The following CHIC1 variants were observed in gnomAD, a reference collection of about 807,000 sequenced individuals.
The protein encoded by CHIC1 is cysteine-rich hydrophobic domain-containing protein 1.
A neutral mutation model predicts 18.5 loss-of-function variants in CHIC1; 7 were observed. That is an observed-to-expected ratio of 0.38 (90% CI 0.22 to 0.71). The LOEUF (loss-of-function observed/expected upper bound fraction) is 0.71. Ranked by LOEUF, CHIC1 falls within the 30% of genes least tolerant of loss-of-function variation. The pLI, the probability that CHIC1 is intolerant of heterozygous loss-of-function variation, is 0.49. For synonymous variants in CHIC1, 77 were observed against 73.5 expected, an observed-to-expected ratio of 1.05 and a Z score of -0.25; for missense variants, 159 against 176.9, an observed-to-expected ratio of 0.90 and a Z score of 0.57.
In CHIC1 at chrX:73,684,328, GCC is replaced by G. The variant is rs2058112380; in HGVS notation, c.*3324_*3325del. 2 of 111,101 alleles carry G rather than the reference GCC, an allele frequency of 1.8e-5. No homozygotes were observed. The highest frequency in any genetic ancestry group is 1.9e-4 in the Admixed American group (2 of 10,390). The allele number at this position is 111,101 out of a possible 1,213,427, so 9.2% of individuals were successfully genotyped here. A position where few individuals can be genotyped will look rare whatever the true frequency, so the allele number is the denominator to read the frequency against. On this transcript the variant is annotated 3_prime_UTR_variant, in exon 6 of 6. Transcript: ENST00000373502. ...TGTACATACTATTCATATTATTATG[GCC>G]TGTAAACACTAATATCTGAGCAATC...
intron 3 of CHIC1, among the ~76,000 whole-genome samples, chrX:73,599,202 G>GT (rs2057628610): frequency 9.1e-6 from 1 of 110,197 alleles, no homozygotes; most frequent in Non-Finnish European, 1.9e-5. Flanking sequence ...TTGTAAATCT[G>GT]TTTGAGTTCA....
intron 3 of CHIC1, among the ~76,000 whole-genome samples, chrX:73,652,612 A>G (rs1024500602): frequency 4.4e-5 from 5 of 112,749 alleles, no homozygotes; most frequent in African/African-American, 6.4e-5. Flanking sequence ...TATGTGGCCA[A>G]CAAACATATG....
At position 73,682,498 on chromosome X, in the gene CHIC1, A is replaced by T. The variant is rs1335225283; in HGVS notation, c.*1493A>T. On this transcript the variant is annotated 3_prime_UTR_variant, in exon 6 of 6. Transcript: ENST00000373502. ...GCTTTTAGTAAACCTTTTAGGCAAG[A>T]TTCATCTCAGTGAAGTGAACAATCA... 8.9e-6 allele frequency: 1 copy of T among 111,824 alleles called. No individual in the cohort carries two copies. The highest frequency in any genetic ancestry group is 1.9e-5 in the Non-Finnish European group (1 of 52,830). The allele number at this position is 111,824 out of a possible 1,213,427, so 9.2% of individuals were successfully genotyped here. A position where few individuals can be genotyped will look rare whatever the true frequency, so the allele number is the denominator to read the frequency against.
intron 3 of CHIC1, among the ~76,000 whole-genome samples, chrX:73,611,633 C>T (rs2057709171): frequency 9.3e-6 from 1 of 107,965 alleles, no homozygotes; most frequent in Non-Finnish European, 1.9e-5. Context: ...TACAGTCCCA[C>T]CAACAATGTA....
At chrX:73,643,342 T>G (rs999423165) in intron 3 of CHIC1, among the ~76,000 whole-genome samples, 2 of 108,389 alleles carry the variant, frequency 1.8e-5, no homozygotes, top group Non-Finnish European at 3.8e-5. Context: ...GACAATTACG[T>G]GTCTTGGAGT....
chrX:73,669,845 T>C (rs2058021479), intron 3 of CHIC1, among the ~76,000 whole-genome samples: 1 of 111,757 alleles, frequency 8.9e-6, no homozygotes, highest in Non-Finnish European at 1.9e-5. Context: ...GAGGTGGAAA[T>C]GGGGCCTGCA....
chrX:73,650,393 G>A (rs1394991323), intron 3 of CHIC1, among the ~76,000 whole-genome samples: 1 of 110,706 alleles, frequency 9.0e-6, no homozygotes, highest in Admixed American at 9.7e-5. Flanking sequence ...AATGAATCTA[G>A]GAACTGGTTT....
At position 73,687,074 on chromosome X, in the gene CHIC1, A is replaced by T. The variant is rs1471923897; in HGVS notation, c.*6069A>T. 8.9e-6 allele frequency: 1 copy of T among 111,766 alleles called. No homozygotes were observed. Among genetic ancestry groups the T allele is most frequent in the Non-Finnish European group, 1.9e-5 (1 of 53,018 alleles). The allele number at this position is 111,766 out of a possible 1,213,427, so 9.2% of individuals were successfully genotyped here. A position where few individuals can be genotyped will look rare whatever the true frequency, so the allele number is the denominator to read the frequency against. ...AAAATTTTATTATCTCAGGATGCAA[A>T]TTTAAAATAAAGTGTAAATCTATGT... On this transcript the variant is annotated 3_prime_UTR_variant, in exon 6 of 6. Transcript: ENST00000373502.
intron 3 of CHIC1, among the ~76,000 whole-genome samples, chrX:73,619,643 A>G (rs2057750262): frequency 1.8e-5 from 2 of 111,887 alleles, no homozygotes; most frequent in South Asian, 7.5e-4. Context: ...ACAATTATAT[A>G]AAAACAAGCA....
intron 3 of CHIC1, among the ~76,000 whole-genome samples, chrX:73,586,123 G>A (rs1177779840): frequency 1.8e-5 from 2 of 111,415 alleles, no homozygotes; most frequent in African/African-American, 6.5e-5. Flanking sequence ...ATGATATCCA[G>A]CCTCTTGTAA....
chrX:73,645,215 T>A (rs1187778041), intron 3 of CHIC1, among the ~76,000 whole-genome samples: 1 of 112,485 alleles, frequency 8.9e-6, no homozygotes, highest in African/African-American at 3.2e-5. Flanking sequence ...TCTTTCAGGC[T>A]ATCTATGTTG....
rs1388833221 is a variant in CHIC1 at position 73,682,452 on chromosome X, T to C, written c.*1447T>C. ...TAAAAGTGTCTAGGGCTCAGTAATA[T>C]TTTGTCATCTTACTCTTACTGCTTT... On this transcript the variant is annotated 3_prime_UTR_variant, in exon 6 of 6. Coordinates refer to ENST00000373502, the MANE Select transcript of CHIC1 (RefSeq NM_001039840.4). 4 of 111,467 alleles carry C rather than the reference T, an allele frequency of 3.6e-5. No homozygotes were observed. The highest frequency in any genetic ancestry group is 1.3e-4 in the African/African-American group (4 of 30,835). 9.2% of individuals were successfully genotyped at this position (111,467 alleles called of 1,213,427 possible). A position where few individuals can be genotyped will look rare whatever the true frequency, so the allele number is the denominator to read the frequency against.
chrX:73,640,346 ATAT>A (rs1476026189), intron 3 of CHIC1, among the ~76,000 whole-genome samples: 1 of 111,983 alleles, frequency 8.9e-6, no homozygotes, highest in Admixed American at 9.5e-5. Flanking sequence ...TTATTTTCAT[ATAT>A]TGAACCAAGC....
intron 3 of CHIC1, among the ~76,000 whole-genome samples, chrX:73,591,942 C>T (rs1285505496): frequency 1.8e-5 from 2 of 111,514 alleles, no homozygotes; most frequent in East Asian, 5.6e-4. Flanking sequence ...TAGTATCAGT[C>T]CTCTTTGTTC....
At chrX:73,634,712 C>G (rs1377548061) in intron 3 of CHIC1, among the ~76,000 whole-genome samples, 1 of 111,304 alleles carries the variant, frequency 9.0e-6, no homozygotes, top group African/African-American at 3.3e-5. Context: ...TCTTGTTGTC[C>G]CCAGGCAATT....
Position 73,665,654 on chromosome X carries a change from C to G in CHIC1, c.508-13672C>G. On this transcript the variant is annotated intron_variant, in intron 3 of 5. Coordinates refer to ENST00000373502, the MANE Select transcript of CHIC1 (RefSeq NM_001039840.4). ...CTTACTGACTGTGCAGTCTCTTCAT[C>G]TTCGTTTTCAAGGGTTCCATTGCGA... Among the ~76,000 whole-genome samples the G allele has an allele frequency of 1.8e-5, 2 of 111,513 alleles. 1 individual carries two copies. Among genetic ancestry groups the G allele is most frequent in the Middle Eastern group, 9.2e-3 (2 of 218 alleles).
intron 1 of CHIC1, among the ~76,000 whole-genome samples, chrX:73,565,046 G>A (rs952726311): frequency 2.7e-5 from 3 of 110,612 alleles, no homozygotes; most frequent in African/African-American, 9.9e-5. Flanking sequence ...GGGTTTTAGA[G>A]CTGCTTTTTG....
intron 3 of CHIC1, among the ~76,000 whole-genome samples, chrX:73,614,002 G>A (rs1015256916): frequency 8.9e-6 from 1 of 111,888 alleles, no homozygotes; most frequent in South Asian, 3.7e-4. Context: ...CAGGTAGTGT[G>A]CTTTTGCTTC....
intron 3 of CHIC1, among the ~76,000 whole-genome samples, chrX:73,662,805 C>T (rs774611667): frequency 9.1e-6 from 1 of 110,457 alleles, no homozygotes; most frequent in Admixed American, 9.7e-5. Context: ...ACAACAGGGG[C>T]GTATAAACTT....
Sources: gnomAD v4.1 joint callset for allele counts (sites outside exome capture counted in the v4.1 genomes callset) on GRCh38, gnomAD v4.1.1 for gene constraint, MANE v1.5 for transcripts, NCBI Gene and HGNC (gene_info 2026-07-23, HGNC 2026-07-21) for gene names.